The following CYB5B variants were observed in gnomAD, a reference collection of about 807,000 sequenced individuals.
The protein encoded by CYB5B is cytochrome b5 type B, also known as cytochrome b5 type B (outer mitochondrial membrane).
CYB5B carries 14 observed loss-of-function variants against 21.3 expected under a neutral mutation model. The observed-to-expected ratio is 0.66, with a 90% CI of 0.43 to 1.03. The LOEUF (loss-of-function observed/expected upper bound fraction) is 1.03, where lower values mean the gene tolerates loss of function less well. Ranked by LOEUF, CYB5B falls within the 50% of genes least tolerant of loss-of-function variation. The pLI is 0.00. For missense variants in CYB5B, 166 were observed against 185.1 expected (o/e 0.90, Z 0.60); for synonymous variants, 69 against 68.4 (o/e 1.01, Z -0.04).
chr16:69,435,071 G>A (rs1435222175), intron 1 of CYB5B, among the ~76,000 whole-genome samples: 1 of 151,942 alleles, frequency 6.6e-6, no homozygotes, highest in Non-Finnish European at 1.5e-5. Context: ...TTTTCTAGTG[G>A]CTGGGTATTA....
At chr16:69,430,973 C>G (rs920673456) in intron 1 of CYB5B, among the ~76,000 whole-genome samples, 2 of 144,390 alleles carry the variant, frequency 1.4e-5, no homozygotes, top group African/African-American at 5.2e-5. Flanking sequence ...ATGCCCAGCC[C>G]TATTTTAAAG....
At chr16:69,455,596 T>C (rs568188035) in intron 3 of CYB5B, among the ~76,000 whole-genome samples, 2 of 151,890 alleles carry the variant, frequency 1.3e-5, no homozygotes, top group Admixed American at 6.6e-5. Flanking sequence ...TTAGTAGAGA[T>C]GGGGTTTCAC....
chr16:69,424,672 T>A lies in CYB5B; in HGVS notation c.-12T>A. ...GTAGTCGCGGAATCTCAGTTAGCGGTGGAGAGGCAGTATGTCCGGTTCAAT... is the reference window on the plus strand; with the variant it reads ...GTAGTCGCGGAATCTCAGTTAGCGGAGGAGAGGCAGTATGTCCGGTTCAAT... On this transcript the variant is annotated 5_prime_UTR_variant, in exon 1 of 5. Transcript: ENST00000307892. 1 of 1,533,550 alleles carries A rather than the reference T, an allele frequency of 6.5e-7. No homozygotes were observed. The highest frequency in any genetic ancestry group is 8.8e-7 in the Non-Finnish European group (1 of 1,138,854). The allele number at this position is 1,533,550 out of a possible 1,614,324, so 95.0% of individuals were successfully genotyped here.
At chr16:69,441,104 C>T (rs1415461610) in intron 1 of CYB5B, among the ~76,000 whole-genome samples, 1 of 151,104 alleles carries the variant, frequency 6.6e-6, no homozygotes, top group Admixed American at 6.6e-5. Flanking sequence ...AGGATATTGA[C>T]ATTAATCAGT....
chr16:69,442,252 A>C (rs1447473774), intron 1 of CYB5B, among the ~76,000 whole-genome samples: 1 of 152,170 alleles, frequency 6.6e-6, no homozygotes, highest in Non-Finnish European at 1.5e-5. Context: ...AGAAAATAAT[A>C]ATGCTTTTTC....
chr16:69,437,612 T>C (rs2014774525), intron 1 of CYB5B, among the ~76,000 whole-genome samples: 1 of 152,166 alleles, frequency 6.6e-6, no homozygotes, highest in African/African-American at 2.4e-5. Context: ...TGTGGTGAAA[T>C]ATAGATAACA....
intron 1 of CYB5B, among the ~76,000 whole-genome samples, chr16:69,438,957 G>A (rs2014791545): frequency 6.6e-6 from 1 of 151,872 alleles, no homozygotes. Context: ...TTATTCTGAT[G>A]GAGTCCAATT....
At chr16:69,433,295 T>C in intron 1 of CYB5B, among the ~76,000 whole-genome samples, 1 of 152,170 alleles carries the variant, frequency 6.6e-6, no homozygotes, top group Middle Eastern at 3.2e-3. Flanking sequence ...TTTAAGTAGG[T>C]CAAACAGGTA....
At chr16:69,452,332 AAAGG>A (rs2014943328) in intron 3 of CYB5B, among the ~76,000 whole-genome samples, 1 of 148,750 alleles carries the variant, frequency 6.7e-6, no homozygotes, top group Non-Finnish European at 1.5e-5. Context: ...AAAAAAAAAA[AAAGG>A]TAAAAAGCCT....
intron 3 of CYB5B, among the ~76,000 whole-genome samples, chr16:69,458,641 A>C (rs140394321): frequency 6.6e-6 from 1 of 152,030 alleles, no homozygotes; most frequent in Non-Finnish European, 1.5e-5. Context: ...ACAAGCAATC[A>C]TCTGTATGAT....
chr16:69,455,649 G>C (rs1055772238), intron 3 of CYB5B, among the ~76,000 whole-genome samples: 1 of 151,812 alleles, frequency 6.6e-6, no homozygotes, highest in African/African-American at 2.4e-5. Flanking sequence ...CTCGTGATCC[G>C]CCCACCTTGG....
chr16:69,434,777 C>T (rs1475105742), intron 1 of CYB5B, among the ~76,000 whole-genome samples: 2 of 150,512 alleles, frequency 1.3e-5, no homozygotes, highest in Non-Finnish European at 2.9e-5. Flanking sequence ...GCAGGAGAAT[C>T]GCTTGAACCC....
At position 69,463,485 on chromosome 16, in the gene CYB5B, A is replaced by G. The variant is rs867685074; in HGVS notation, c.*965A>G. On this transcript the variant is annotated 3_prime_UTR_variant, in exon 5 of 5. Coordinates refer to ENST00000307892, the MANE Select transcript of CYB5B (RefSeq NM_030579.3). ...TTTGGTTTGGCACCAGTTTCTAACC[A>G]TCTGTTTTTTCTACCCTAGCTATCT... The G allele has an allele frequency of 1.6e-4, 25 of 152,298 alleles. No individual in the cohort carries two copies. Among genetic ancestry groups the G allele is most frequent in the African/African-American group, 6.0e-4 (25 of 41,564 alleles). 9.4% of individuals were successfully genotyped at this position (152,298 alleles called of 1,614,324 possible).
chr16:69,430,037 A>G (rs1342249332), intron 1 of CYB5B, among the ~76,000 whole-genome samples: 2 of 152,180 alleles, frequency 1.3e-5, no homozygotes, highest in African/African-American at 2.4e-5. Context: ...CAGTGCATTC[A>G]TGAGTTGTTG....
chr16:69,443,016 G>C (rs1402965047), intron 1 of CYB5B, among the ~76,000 whole-genome samples: 1 of 152,038 alleles, frequency 6.6e-6, no homozygotes, highest in Non-Finnish European at 1.5e-5. Context: ...TGGTGCGATT[G>C]TGGCTCACTG....
At chr16:69,430,550 G>A (rs1365025206) in intron 1 of CYB5B, among the ~76,000 whole-genome samples, 1 of 151,982 alleles carries the variant, frequency 6.6e-6, no homozygotes, top group Non-Finnish European at 1.5e-5. Context: ...GTGTTTATTG[G>A]ATTGCAGTGT....
Position 69,465,278 on chromosome 16 carries a change from C to G in CYB5B, c.*2758C>G, listed in dbSNP as rs2015077519. The G allele has an allele frequency of 1.3e-5, 2 of 152,466 alleles. No individual in the cohort carries two copies. Among genetic ancestry groups the G allele is most frequent in the Non-Finnish European group, 2.9e-5 (2 of 68,228 alleles). The allele number at this position is 152,466 out of a possible 1,614,324, so 9.4% of individuals were successfully genotyped here. A position where few individuals can be genotyped will look rare whatever the true frequency, so the allele number is the denominator to read the frequency against. On this transcript the variant is annotated 3_prime_UTR_variant, in exon 5 of 5. Transcript: ENST00000307892. The stretch of plus-strand genomic sequence containing the variant: ...ACGAAGGAGGAGGTGAGAGAAGTTT[C>G]ATGCTACCGAAATAGAGGGTGTTGG...
chr16:69,437,506 A>G (rs903133716), intron 1 of CYB5B, among the ~76,000 whole-genome samples: 1 of 152,212 alleles, frequency 6.6e-6, no homozygotes, highest in African/African-American at 2.4e-5. Flanking sequence ...CCCCCCCAAT[A>G]CACTTCTATC....
At position 69,462,932 on chromosome 16, in the gene CYB5B, G is replaced by A. The variant is rs2015050341; in HGVS notation, c.*412G>A. 1 of 158,748 alleles carries A rather than the reference G, an allele frequency of 6.3e-6. No homozygotes were observed. The highest frequency in any genetic ancestry group is 1.4e-5 in the Non-Finnish European group (1 of 71,642). The allele number at this position is 158,748 out of a possible 1,614,324, so 9.8% of individuals were successfully genotyped here. On this transcript the variant is annotated 3_prime_UTR_variant, in exon 5 of 5. Coordinates refer to ENST00000307892, the MANE Select transcript of CYB5B (RefSeq NM_030579.3). ...TTTTATTTTTCCATTTTTCTTTTAAGTAAATTTTTTTTAAAAAATTCTGAT... is the reference window on the plus strand; with the variant it reads ...TTTTATTTTTCCATTTTTCTTTTAAATAAATTTTTTTTAAAAAATTCTGAT...
Sources: gnomAD v4.1 joint callset for allele counts (sites outside exome capture counted in the v4.1 genomes callset) on GRCh38, gnomAD v4.1.1 for gene constraint, MANE v1.5 for transcripts, NCBI Gene and HGNC (gene_info 2026-07-23, HGNC 2026-07-21) for gene names.